The following WDR7 variants were observed in gnomAD, a reference collection of about 807,000 sequenced individuals.
WDR7 encodes the protein WD repeat domain 7, also known as WD repeat-containing protein 7.
A neutral mutation model predicts 169.4 loss-of-function variants in WDR7; 46 were observed. The observed-to-expected ratio is 0.27, with a 90% confidence interval of 0.21 to 0.35. The LOEUF (loss-of-function observed/expected upper bound fraction) is 0.35. WDR7 is among the 10% of genes least tolerant of loss of function. The probability of loss-of-function intolerance (pLI) is 1.00; values close to 1 mark genes in which losing one functional copy is unlikely to be tolerated. For missense variants in WDR7, 1,534 were observed against 1,859.3 expected, an observed-to-expected ratio of 0.83 and a Z score of 3.22; for synonymous variants, 612 against 666.8, an observed-to-expected ratio of 0.92 and a Z score of 1.27.
intron 26 of WDR7, chr18:57,010,167 A>G: frequency 1.0e-6 from 1 of 985,484 alleles, no homozygotes. Flanking sequence ...TAAGACTTCT[A>G]GCATGTGTTC....
At chr18:56,856,434 T>C (rs1487984605) in intron 20 of WDR7, among the ~76,000 whole-genome samples, 1 of 152,136 alleles carries the variant, frequency 6.6e-6, no homozygotes, top group Non-Finnish European at 1.5e-5. Flanking sequence ...CTCTGGAGGC[T>C]GAGGCACAAG....
At chr18:56,907,175 TA>T (rs1463251908) in intron 21 of WDR7, among the ~76,000 whole-genome samples, 1 of 152,102 alleles carries the variant, frequency 6.6e-6, no homozygotes, top group Non-Finnish European at 1.5e-5. Context: ...TTTATTTTGG[TA>T]AAAAAAGTAA....
intron 12 of WDR7, among the ~76,000 whole-genome samples, chr18:56,717,107 T>G (rs909522261): frequency 6.6e-6 from 1 of 152,146 alleles, no homozygotes; most frequent in Non-Finnish European, 1.5e-5. Flanking sequence ...CAAGAATGAG[T>G]TTCTGATGGC....
intron 19 of WDR7, among the ~76,000 whole-genome samples, chr18:56,799,277 TTGTAC>T (rs1195356846): frequency 5.9e-5 from 9 of 152,226 alleles, no homozygotes; most frequent in African/African-American, 2.2e-4. Context: ...TGTAGTACTC[TTGTAC>T]TGTATAACTT....
chr18:56,686,127 G>A lies in WDR7; in HGVS notation c.597+95G>A, dbSNP rs1010351317. 35 of 1,000,752 alleles carry A rather than the reference G, an allele frequency of 3.5e-5. No homozygotes were observed. The African/African-American group carries it at 5.8e-4, about 17-fold the overall frequency. The allele number at this position is 1,000,752 out of a possible 1,614,324, so 62.0% of individuals were successfully genotyped here. On this transcript the variant is annotated intron_variant, in intron 6 of 27. Coordinates refer to ENST00000254442, the MANE Select transcript of WDR7 (RefSeq NM_015285.3). The stretch of plus-strand genomic sequence containing the variant: ...TGCCCCTTCCATTTTTTTTAAGGGG[G>A]AAGGAAAAAGTGATTATTTTTTGAT...
intron 1 of WDR7, among the ~76,000 whole-genome samples, chr18:56,659,330 G>A (rs568460078): frequency 2.4e-4 from 36 of 152,274 alleles, no homozygotes; most frequent in Non-Finnish European, 4.4e-4. Context: ...GCTGATGGGT[G>A]CAACTTTACT....
intron 15 of WDR7, among the ~76,000 whole-genome samples, chr18:56,758,008 C>T (rs1369205268): frequency 1.3e-5 from 2 of 149,866 alleles, no homozygotes; most frequent in East Asian, 3.9e-4. Flanking sequence ...TGCTTCTTCT[C>T]ATTGTAACAT....
At chr18:56,755,762 G>A (rs1388411608) in intron 14 of WDR7, among the ~76,000 whole-genome samples, 2 of 152,298 alleles carry the variant, frequency 1.3e-5, no homozygotes, top group African/African-American at 4.8e-5. Flanking sequence ...AGCTGCCTGA[G>A]AGGGAGAGAT....
intron 19 of WDR7, among the ~76,000 whole-genome samples, chr18:56,815,553 T>C (rs1329523698): frequency 1.3e-5 from 2 of 152,222 alleles, no homozygotes; most frequent in African/African-American, 4.8e-5. Context: ...TGTTATACTT[T>C]TTTTGGGTAG....
chr18:56,708,030 C>CTTT (rs752679794), intron 12 of WDR7, among the ~76,000 whole-genome samples: 6 of 132,812 alleles, frequency 4.5e-5, no homozygotes, highest in East Asian at 2.2e-4. Flanking sequence ...GTGTTTATTC[C>CTTT]TTTTTTTTTT....
intron 20 of WDR7, among the ~76,000 whole-genome samples, chr18:56,828,590 A>T (rs930926969): frequency 6.6e-6 from 1 of 152,176 alleles, no homozygotes; most frequent in Non-Finnish European, 1.5e-5. Context: ...AATATTTTTT[A>T]AAATCTGAAG....
intron 21 of WDR7, among the ~76,000 whole-genome samples, chr18:56,893,719 G>A (rs1011141270): frequency 9.2e-5 from 14 of 151,996 alleles, no homozygotes; most frequent in Admixed American, 5.3e-4. Context: ...TATACCTTTG[G>A]TTTTTAAATT....
intron 19 of WDR7, among the ~76,000 whole-genome samples, chr18:56,789,542 A>G (rs2044452881): frequency 6.6e-6 from 1 of 152,244 alleles, no homozygotes; most frequent in African/African-American, 2.4e-5. Context: ...AAGCATGTGG[A>G]AATTCAATCA....
At chr18:56,752,076 C>T (rs923420453) in intron 14 of WDR7, among the ~76,000 whole-genome samples, 5 of 152,172 alleles carry the variant, frequency 3.3e-5, no homozygotes, top group Admixed American at 6.5e-5. Context: ...AGTTCTCAAA[C>T]TTTACTGCAT....
chr18:56,983,428 G>A (rs1599218179), intron 26 of WDR7, among the ~76,000 whole-genome samples: 1 of 152,022 alleles, frequency 6.6e-6, no homozygotes, highest in Non-Finnish European at 1.5e-5. Context: ...TTCAAAAATG[G>A]AAACCTGCTT....
chr18:56,997,146 G>T (rs570775731), intron 26 of WDR7, among the ~76,000 whole-genome samples: 59 of 152,198 alleles, frequency 3.9e-4, no homozygotes, highest in South Asian at 2.5e-3. Context: ...AACAAACCTG[G>T]ATAAACAATG....
At chr18:56,900,791 A>G (rs764288178) in intron 21 of WDR7, among the ~76,000 whole-genome samples, 5 of 152,188 alleles carry the variant, frequency 3.3e-5, no homozygotes, top group East Asian at 1.9e-4. Flanking sequence ...AAGCTGGTCT[A>G]TAGACACAGC....
Position 57,017,477 on chromosome 18 carries a change from C to CTGTGTGTGTGTG in WDR7, c.4165-3235_4165-3224dup, listed in dbSNP as rs57440164. Among the ~76,000 whole-genome samples, 87 of 134,816 alleles carry CTGTGTGTGTGTG rather than the reference C, an allele frequency of 6.5e-4. 1 individual carries two copies. The highest frequency in any genetic ancestry group is 8.0e-4 in the Non-Finnish European group (52 of 64,716). The allele number at this position is 134,816 out of a possible 152,430, so 88.4% of individuals were successfully genotyped here. ...GTGTGCTGTTCTTATCCAAGTCATG[C>CTGTGTGTGTGTG]TGTGTGTGTGTGTGTGTGTGTGTGT... On this transcript the variant is annotated intron_variant, in intron 26 of 27. Coordinates refer to ENST00000254442, the MANE Select transcript of WDR7 (RefSeq NM_015285.3).
chr18:56,925,283 TGTA>T (rs1568269814), intron 22 of WDR7, among the ~76,000 whole-genome samples: 1 of 152,204 alleles, frequency 6.6e-6, no homozygotes, highest in Non-Finnish European at 1.5e-5. Context: ...TGAGTAGACA[TGTA>T]GGAGTAGAAT....
Sources: allele counts gnomAD v4.1 joint callset (sites outside exome capture counted in the v4.1 genomes callset), GRCh38; gene constraint gnomAD v4.1.1; transcripts MANE v1.5; gene names NCBI Gene and HGNC (gene_info 2026-07-23, HGNC 2026-07-21).